The following C2CD5 variants were observed in gnomAD, a reference collection of about 807,000 sequenced individuals.
The protein encoded by C2CD5 is C2 calcium dependent domain containing 5.
In C2CD5, 109 loss-of-function variants were observed where a neutral mutation model predicts 130.3. The observed-to-expected ratio is 0.84, with a 90% CI of 0.72 to 0.98. C2CD5 has a LOEUF of 0.98. C2CD5 is among the 50% of genes least tolerant of loss of function. The probability of loss-of-function intolerance (pLI) is 0.00; values close to 1 mark genes in which losing one functional copy is unlikely to be tolerated. For missense variants in C2CD5, 996 were observed against 1,261.8 expected (o/e 0.79, Z 3.19); for synonymous variants, 454 against 429.2 (o/e 1.06, Z -0.71).
chr12:22,543,563 A>T (rs1952617569), intron 2 of C2CD5, among the ~76,000 whole-genome samples: 1 of 152,176 alleles, frequency 6.6e-6, no homozygotes, highest in Non-Finnish European at 1.5e-5. Flanking sequence ...CTTAAACATG[A>T]TGTCCAGCAC....
At chr12:22,531,447 T>C (rs1951266306) in intron 3 of C2CD5, among the ~76,000 whole-genome samples, 1 of 152,136 alleles carries the variant, frequency 6.6e-6, no homozygotes, top group African/African-American at 2.4e-5. Context: ...TACAGACCAA[T>C]GGAATGGAGT....
chr12:22,450,004 G>A, intron 26 of C2CD5, 113 bp from the exon 27 acceptor site: 1 of 773,516 alleles, frequency 1.3e-6, no homozygotes, highest in Non-Finnish European at 2.0e-6. Flanking sequence ...AAATCATTAG[G>A]ATAAAGATAG....
At chr12:22,491,298 T>C (rs143192901) in intron 11 of C2CD5, among the ~76,000 whole-genome samples, 41 of 152,296 alleles carry the variant, frequency 2.7e-4, no homozygotes, top group African/African-American at 9.6e-4. Flanking sequence ...TGAGTCTACA[T>C]CCTGTGGCCT....
At chr12:22,452,690 T>C (rs1938962018) in intron 26 of C2CD5, among the ~76,000 whole-genome samples, 2 of 152,188 alleles carry the variant, frequency 1.3e-5, no homozygotes, top group Non-Finnish European at 2.9e-5. Flanking sequence ...CAAAAATGTA[T>C]AAACTATCAA....
intron 2 of C2CD5, among the ~76,000 whole-genome samples, chr12:22,541,029 T>A (rs937219414): frequency 5.3e-5 from 8 of 152,188 alleles, no homozygotes; most frequent in African/African-American, 1.9e-4. Context: ...GTCTCACAGT[T>A]GAGAAACACT....
intron 16 of C2CD5, among the ~76,000 whole-genome samples, chr12:22,474,029 C>A (rs1341867050): frequency 2.0e-5 from 3 of 152,158 alleles, no homozygotes; most frequent in African/African-American, 7.2e-5. Context: ...TGGCACCGTT[C>A]CTGACTCTTT....
At chr12:22,457,955 C>T (rs1940291162) in intron 24 of C2CD5, among the ~76,000 whole-genome samples, 1 of 152,008 alleles carries the variant, frequency 6.6e-6, no homozygotes, top group Non-Finnish European at 1.5e-5. Context: ...GTAGTTTTTT[C>T]CCCCTTTTAA....
intron 10 of C2CD5, among the ~76,000 whole-genome samples, chr12:22,500,651 C>T (rs1209599900): frequency 1.3e-5 from 2 of 152,112 alleles, no homozygotes; most frequent in Non-Finnish European, 2.9e-5. Context: ...CACCCTAGAC[C>T]TAGCAAATTG....
At position 22,544,063 on chromosome 12, in the gene C2CD5, C is replaced by A; in HGVS notation, c.88G>T (p.Glu30Ter). 2 of 1,612,118 alleles carry A rather than the reference C, an allele frequency of 1.2e-6. No individual in the cohort carries two copies. The highest frequency in any genetic ancestry group is 1.7e-6 in the Non-Finnish European group (2 of 1,178,278). The part of the protein sequence containing the change: ...RASDLTDAFV[E>*]VKFGNTTFKT... ...GAGGGGCAGGACCCTGCACCAACCT[C>A]CACGAAGGCATCAGTCAGGTCACTA... Residue 30 changes from glutamate (E) to a stop codon, truncating the protein, a stop_gained and splice_region_variant, in exon 2 of 27, where the codon GAG (glutamate) becomes TAG (stop). Transcript: ENST00000446597. LOFTEE classifies it high-confidence loss of function.
chr12:22,543,217 C>A (rs1004753188), intron 2 of C2CD5, among the ~76,000 whole-genome samples: 1 of 152,366 alleles, frequency 6.6e-6, no homozygotes, highest in East Asian at 1.9e-4. Flanking sequence ...TGGCTCATCA[C>A]GCCAATTTTT....
chr12:22,539,941 G>C (rs1952189594), intron 2 of C2CD5, among the ~76,000 whole-genome samples: 1 of 148,000 alleles, frequency 6.8e-6, no homozygotes, highest in Admixed American at 6.8e-5. Context: ...ACAGTGAGCT[G>C]AGATCACGCC....
At chr12:22,517,945 T>C in intron 8 of C2CD5, 41 bp downstream of exon 8, 1 of 1,530,498 alleles carries the variant, frequency 6.5e-7, no homozygotes, top group Non-Finnish European at 8.8e-7. Context: ...GAAACAAATT[T>C]TTAAAAAAGA....
chr12:22,505,545 ATATATACGTCTATAC>A (rs1440274447), intron 10 of C2CD5, among the ~76,000 whole-genome samples: 4 of 152,216 alleles, frequency 2.6e-5, no homozygotes, highest in African/African-American at 9.7e-5. Flanking sequence ...ATTTTCAAAA[ATATATACGTCTATAC>A]ACCAAATAAG....
At chr12:22,465,985 A>G (rs781397346) in intron 22 of C2CD5, among the ~76,000 whole-genome samples, 20 of 152,088 alleles carry the variant, frequency 1.3e-4, no homozygotes, top group Non-Finnish European at 2.4e-4. Context: ...TAAAAACAAA[A>G]CCAAATATAA....
intron 10 of C2CD5, among the ~76,000 whole-genome samples, chr12:22,500,357 G>T (rs1425346817): frequency 6.6e-6 from 1 of 152,078 alleles, no homozygotes; most frequent in African/African-American, 2.4e-5. Context: ...TACTGGCTAG[G>T]ACATTGTTTT....
chr12:22,493,033 A>T (rs560596499), intron 11 of C2CD5, among the ~76,000 whole-genome samples, 190 bp downstream of exon 11: 5 of 152,302 alleles, frequency 3.3e-5, no homozygotes, highest in Non-Finnish European at 7.4e-5. Context: ...AGAAGAGTTA[A>T]ATAACTTTCT....
At chr12:22,502,598 G>C (rs1213472437) in intron 10 of C2CD5, 18 of 448,300 alleles carry the variant, frequency 4.0e-5, no homozygotes, top group Non-Finnish European at 6.3e-5. Flanking sequence ...AATTACAAGA[G>C]TTATTACATA....
At chr12:22,465,071 G>A (rs941970915) in intron 22 of C2CD5, among the ~76,000 whole-genome samples, 8 of 152,056 alleles carry the variant, frequency 5.3e-5, no homozygotes, top group African/African-American at 1.9e-4. Context: ...AACTTCTGAC[G>A]TAGACACCTA....
At chr12:22,534,247 A>ATGGAT (rs1284252670) in intron 3 of C2CD5, among the ~76,000 whole-genome samples, 1 of 152,150 alleles carries the variant, frequency 6.6e-6, no homozygotes, top group Non-Finnish European at 1.5e-5. Flanking sequence ...TTAACTCCAA[A>ATGGAT]TGAATCCATG....
Sources: gnomAD v4.1 joint callset for allele counts (sites outside exome capture counted in the v4.1 genomes callset) on GRCh38, gnomAD v4.1.1 for gene constraint, MANE v1.5 for transcripts, NCBI Gene and HGNC (gene_info 2026-07-23, HGNC 2026-07-21) for gene names.